GLB1L: variants seen among roughly 807,000 people sequenced by gnomAD.
The protein encoded by GLB1L is galactosidase beta 1 like.
A neutral mutation model predicts 75.7 loss-of-function variants in GLB1L; 58 were observed. The ratio of observed to expected loss-of-function variants is 0.77; its 90% CI spans 0.62 to 0.95. The LOEUF (loss-of-function observed/expected upper bound fraction) is 0.95. Among genes scored for constraint, GLB1L ranks in the 40% least tolerant of loss-of-function variants. GLB1L has a pLI of 0.00. For missense variants in GLB1L, 797 were observed against 805.5 expected (o/e 0.99, Z 0.13); for synonymous variants, 296 against 303.0 (o/e 0.98, Z 0.24).
Position 219,242,639 on chromosome 2 carries a change from TAGGAAGGGAAGGA to T in GLB1L, c.391-78_391-66del, listed in dbSNP as rs907083412. The T allele has an allele frequency of 1.2e-4, 192 of 1,548,876 alleles. 4 individuals carry two copies. In the South Asian group the frequency reaches 1.7e-3, roughly 14 times the overall value. On this transcript the variant is annotated intron_variant, in intron 4 of 16. Transcript: ENST00000295759. ...TTGTTTTGGGGTGTGGTGGGGAAGC[TAGGAAGGGAAGGA>T]AGGAAGGGAAGGAATTGAATATAGT...
chr2:219,238,837 A>AAG (rs1951317974), intron 11 of GLB1L, 58 bp from the exon 12 acceptor site: 1 of 1,465,466 alleles, frequency 6.8e-7, no homozygotes, highest in African/African-American at 1.4e-5. Flanking sequence ...TACCTATTCC[A>AAG]AGACTCTAGG....
Position 219,238,516 on chromosome 2 carries a change from C to G in GLB1L, c.1206G>C (p.Met402Ile). The change falls in exon 13 of 17, where the codon ATG (methionine) becomes ATC (isoleucine). Residue 402 changes from methionine to isoleucine, a missense_variant. Physicochemically the swap from Met to Ile is conservative, Grantham distance 10 (BLOSUM62 1). Coordinates refer to ENST00000295759, the MANE Select transcript of GLB1L (RefSeq NM_001286423.2). ...TTACCTGCTTGACAGCCTCAAAGGT[C>G]ATTGGCAAGATTGAATGAATGGGCC... is the stretch of plus-strand genomic sequence containing the variant. The part of the protein sequence containing the change: ...PRGPIHSILP[M>I]TFEAVKQDHG... 1 of 1,614,088 alleles carries G rather than the reference C, an allele frequency of 6.2e-7. No individual in the cohort carries two copies. Among genetic ancestry groups the G allele is most frequent in the Non-Finnish European group, 8.5e-7 (1 of 1,180,000 alleles).
intron 5 of GLB1L, among the ~76,000 whole-genome samples, chr2:219,242,292 T>G (rs1464262796): frequency 6.7e-6 from 1 of 150,156 alleles, no homozygotes; most frequent in African/African-American, 2.4e-5. Flanking sequence ...CCCAGCTGTT[T>G]TTTTTTTTTT....
chr2:219,238,337 G>A lies in GLB1L; in HGVS notation c.1254C>T (p.Thr418=). 1 of 1,611,202 alleles carries A rather than the reference G, an allele frequency of 6.2e-7. No individual in the cohort carries two copies. Among genetic ancestry groups the A allele is most frequent in the Non-Finnish European group, 8.5e-7 (1 of 1,178,498 alleles). Reference sequence around the variant, plus strand: ...GCTCAAAAATGGTATGGGTCATATAGGTTCGGTACAACATGAAGCCATGGT... The same window carrying A: ...GCTCAAAAATGGTATGGGTCATATAAGTTCGGTACAACATGAAGCCATGGT... ...KQDHGFMLYR[T]YMTHTIFEPT... is the part of the protein sequence containing the mutation. The change falls in exon 14 of 17, where the codon ACC becomes ACT. Residue 418 remains threonine, a synonymous_variant. Coordinates refer to ENST00000295759, the MANE Select transcript of GLB1L (RefSeq NM_001286423.2).
intron 3 of GLB1L, 81 bp downstream of exon 3, chr2:219,243,067 T>C: frequency 1.9e-6 from 3 of 1,550,220 alleles, no homozygotes; most frequent in Non-Finnish European, 2.6e-6. Context: ...CCTGGCAGTC[T>C]TCCTGTCCCG....
chr2:219,237,498 A>G lies in GLB1L; in HGVS notation c.1689+14T>C, dbSNP rs1574861022. On this transcript the variant is annotated intron_variant, in intron 16 of 16. Coordinates refer to ENST00000295759, the MANE Select transcript of GLB1L (RefSeq NM_001286423.2). The stretch of plus-strand genomic sequence containing the variant: ...TTACCTCCCCGCTACCCAAACCACC[A>G]CCATTACCAATACCTTGGTCCATCC... 1 of 1,612,206 alleles carries G rather than the reference A, an allele frequency of 6.2e-7. No individual in the cohort carries two copies. Among genetic ancestry groups the G allele is most frequent in the Non-Finnish European group, 8.5e-7 (1 of 1,178,342 alleles).
intron 15 of GLB1L, 35 bp downstream of exon 15, chr2:219,237,791 A>G (rs1219900997): frequency 1.9e-6 from 3 of 1,612,962 alleles, no homozygotes; most frequent in African/African-American, 1.3e-5. Flanking sequence ...ATCCTTAATC[A>G]AGCCCTGGGA....
chr2:219,238,169 T>C (rs1190795824), intron 14 of GLB1L, 81 bp downstream of exon 14: 3 of 1,129,352 alleles, frequency 2.7e-6, no homozygotes, highest in African/African-American at 1.6e-5. Flanking sequence ...GGTGGGAAAG[T>C]GTAAATATGG....
Position 219,237,364 on chromosome 2 carries a change from A to C in GLB1L, c.1690-17T>G. The C allele has an allele frequency of 6.2e-7, 1 of 1,609,412 alleles. No homozygotes were observed. Among genetic ancestry groups the C allele is most frequent in the Non-Finnish European group, 8.5e-7 (1 of 1,176,994 alleles). On this transcript the variant is annotated splice_polypyrimidine_tract_variant and intron_variant, in intron 16 of 16. Coordinates refer to ENST00000295759, the MANE Select transcript of GLB1L (RefSeq NM_001286423.2). ...GACTTGGCCCTGGGGAATAGGGAGC[A>C]GGAAAGAGGGGAAAAGAAAGGGTCA...
In GLB1L at chr2:219,243,285, C is replaced by T; in HGVS notation, c.102G>A (p.Arg34=). Reference sequence around the variant, plus strand: ...CGTCTAGGAGAAACCGGTCATGACCCCTATCCACTACGAACGACCGAGTGT... The same window carrying T: ...CGTCTAGGAGAAACCGGTCATGACCTCTATCCACTACGAACGACCGAGTGT... The part of the protein sequence containing the change: ...QADTRSFVVD[R]GHDRFLLDGA... The change falls in exon 3 of 17, where the codon AGG becomes AGA. Residue 34 remains arginine, a synonymous_variant. Coordinates refer to ENST00000295759, the MANE Select transcript of GLB1L (RefSeq NM_001286423.2). 6.2e-7 allele frequency: 1 copy of T among 1,608,346 alleles called. No individual in the cohort carries two copies. Among genetic ancestry groups the T allele is most frequent in the Non-Finnish European group, 8.5e-7 (1 of 1,176,338 alleles).
chr2:219,239,131 G>C lies in GLB1L; in HGVS notation c.1023C>G (p.Pro341=). The change falls in exon 11 of 17, where the codon CCC becomes CCG. Residue 341 remains proline, a synonymous_variant. Transcript: ENST00000295759. ...YDAPISEAGD[P]TPKLFALRDV... is the part of the protein sequence containing the mutation. ...CTCGAAGAGCAAAAAGCTTAGGTGTGGGGTCCCCTGCTTCAGATATAGGTG... is the reference window on the plus strand; with the variant it reads ...CTCGAAGAGCAAAAAGCTTAGGTGTCGGGTCCCCTGCTTCAGATATAGGTG... The C allele has an allele frequency of 6.2e-7, 1 of 1,613,898 alleles. No individual in the cohort carries two copies. Among genetic ancestry groups the C allele is most frequent in the Non-Finnish European group, 8.5e-7 (1 of 1,179,794 alleles).
chr2:219,243,306 A>G lies in GLB1L; in HGVS notation c.81T>C (p.Thr27=). 6.3e-7 allele frequency: 1 copy of G among 1,597,280 alleles called. No homozygotes were observed. Among genetic ancestry groups the G allele is most frequent in the Non-Finnish European group, 8.6e-7 (1 of 1,169,234 alleles). Residue 27 remains threonine (T), a synonymous_variant, in exon 3 of 17, where the codon ACT becomes ACC. Coordinates refer to ENST00000295759, the MANE Select transcript of GLB1L (RefSeq NM_001286423.2). ...SLTLLLPQAD[T]RSFVVDRGHD... is the part of the protein sequence containing the mutation. ...GACCCCTATCCACTACGAACGACCG[A>G]GTGTCTGCCTATAAAGAGAAAGAGA...
chr2:219,237,410 T>C, intron 16 of GLB1L, 63 bp from the exon 17 acceptor site: 4 of 1,599,032 alleles, frequency 2.5e-6, no homozygotes, highest in Non-Finnish European at 3.4e-6. Flanking sequence ...GGTAGAATCA[T>C]ACCCTTTTGG....
At chr2:219,243,356 G>C (rs569140057) in intron 2 of GLB1L, 42 bp from the exon 3 acceptor site, 2 of 1,591,294 alleles carry the variant, frequency 1.3e-6, no homozygotes, top group African/African-American at 2.7e-5. Flanking sequence ...CGCCTGGAGG[G>C]AGCGTCGAGG....
chr2:219,237,938 T>A lies in GLB1L; in HGVS notation c.1361A>T (p.Glu454Val). ...MVDGVFQGVV[E>V]RNMRDKLFLT... is the part of the protein sequence containing the mutation. The stretch of plus-strand genomic sequence containing the variant: ...AAATAGTTTGTCTCTCATATTTCGC[T>A]CCACAACACCCTGGAACACCTGTGG... The change falls in exon 15 of 17, where the codon GAG (glutamate) becomes GTG (valine). Residue 454 changes from glutamate to valine, a missense_variant. Physicochemically the swap from Glu to Val is moderately radical, Grantham distance 121. Transcript: ENST00000295759. 1 of 1,614,082 alleles carries A rather than the reference T, an allele frequency of 6.2e-7. No individual in the cohort carries two copies. Among genetic ancestry groups the A allele is most frequent in the South Asian group, 1.1e-5 (1 of 91,074 alleles).
chr2:219,243,494 C>CATCTT lies in GLB1L; in HGVS notation c.72+3_72+7dup. 6.2e-7 allele frequency: 1 copy of CATCTT among 1,614,218 alleles called. No homozygotes were observed. The highest frequency in any genetic ancestry group is 8.5e-7 in the Non-Finnish European group (1 of 1,180,022). ...CACCCGGCAGGCTGGTTCACCGTCT[C>CATCTT]ATCTTACCTGGGGCAGCAGTAGCGT... is the stretch of plus-strand genomic sequence containing the variant. On this transcript the variant is annotated splice_region_variant and intron_variant, in intron 2 of 16. Transcript: ENST00000295759.
chr2:219,239,987 T>A lies in GLB1L; in HGVS notation c.654A>T (p.Thr218=). Residue 218 remains threonine, a synonymous_variant, in exon 7 of 17, where the codon ACA becomes ACT. Coordinates refer to ENST00000295759, the MANE Select transcript of GLB1L (RefSeq NM_001286423.2). ...LLGEKILLFT[T]DGPEGLKCGS... ...CACACTTGAGTCCTTCAGGCCCATC[T>A]GTGGTGAAGAGCAAGATCTTTTCTC... 6.2e-7 allele frequency: 1 copy of A among 1,614,138 alleles called. No homozygotes were observed. Among genetic ancestry groups the A allele is most frequent in the East Asian group, 2.2e-5 (1 of 44,884 alleles).
intron 6 of GLB1L, 30 bp from the exon 7 acceptor site, chr2:219,240,124 G>C (rs2125055311): frequency 6.2e-7 from 1 of 1,613,994 alleles, no homozygotes; most frequent in African/African-American, 1.3e-5. Context: ...GTGGAACCCA[G>C]CTATGGGATG....
In GLB1L at chr2:219,238,481, G is replaced by C. The variant is rs202099626; in HGVS notation, c.1227+14C>G. On this transcript the variant is annotated intron_variant, in intron 13 of 16. Transcript: ENST00000295759. The stretch of plus-strand genomic sequence containing the variant: ...GAGGTTGTCATCTCCACCAGATGTG[G>C]GTTTATGCCTTACCTGCTTGACAGC... 4.5e-5 allele frequency: 73 copies of C among 1,610,658 alleles called. No individual in the cohort carries two copies. Among genetic ancestry groups the C allele is most frequent in the Non-Finnish European group, 6.0e-5 (71 of 1,177,176 alleles).
Sources: gnomAD v4.1 joint callset for allele counts (sites outside exome capture counted in the v4.1 genomes callset) on GRCh38, gnomAD v4.1.1 for gene constraint, MANE v1.5 for transcripts, NCBI Gene and HGNC (gene_info 2026-07-23, HGNC 2026-07-21) for gene names.